DHRSX: variants seen among roughly 807,000 people sequenced by gnomAD.
DHRSX encodes the protein polyprenol dehydrogenase.
DHRSX carries 31 observed loss-of-function variants against 34.0 expected under a neutral mutation model. The ratio of observed to expected loss-of-function variants is 0.91; its 90% CI spans 0.69 to 1.23. The LOEUF (loss-of-function observed/expected upper bound fraction) is 1.23, where lower values mean the gene tolerates loss of function less well. DHRSX is among the 50% of genes most tolerant of loss of function. The pLI, the probability that DHRSX is intolerant of heterozygous loss-of-function variation, is 0.00. For missense variants in DHRSX, 414 were observed against 428.1 expected (o/e 0.97, Z 0.29); for synonymous variants, 201 against 183.8 (o/e 1.09, Z -0.76).
chrX:2,445,266 A>G (rs1024700584), intron 1 of DHRSX, among the ~76,000 whole-genome samples: 1 of 152,310 alleles, frequency 6.6e-6, no homozygotes. Flanking sequence ...TGCATGTCAG[A>G]AAAAGGAAAG....
rs752605234 is a variant in DHRSX at position 2,460,057 on chromosome X, G to A, written c.110-34753C>T. Among the ~76,000 whole-genome samples, 4 of 152,184 alleles carry A rather than the reference G, an allele frequency of 2.6e-5. No individual in the cohort carries two copies. In the South Asian group the frequency reaches 6.2e-4, roughly 24 times the overall value. ...CAGGAGGTGGAGGTTGCAGTGAGCC[G>A]AGATCATGCCATTGCACTCCAGCCT... On this transcript the variant is annotated intron_variant, in intron 1 of 6. Coordinates refer to ENST00000334651, the MANE Select transcript of DHRSX (RefSeq NM_145177.3).
intron 1 of DHRSX, among the ~76,000 whole-genome samples, chrX:2,457,771 T>A (rs1330897245): frequency 6.9e-6 from 1 of 145,008 alleles, no homozygotes; most frequent in East Asian, 2.1e-4. Flanking sequence ...AGACGTTCCC[T>A]AAGCATGTGG....
intron 1 of DHRSX, among the ~76,000 whole-genome samples, chrX:2,464,055 T>C (rs1329542467): frequency 6.6e-6 from 1 of 151,776 alleles, no homozygotes; most frequent in African/African-American, 2.4e-5. Context: ...GTTCCCTAAG[T>C]ATGTGGCTAA....
intron 3 of DHRSX, among the ~76,000 whole-genome samples, chrX:2,296,787 AGGAATAG>A (rs748172910): frequency 4.7e-4 from 22 of 46,318 alleles, no homozygotes; most frequent in South Asian, 2.2e-3. Flanking sequence ...CCAGGCAGAT[AGGAATAG>A]GACCCAGGCA....
intron 1 of DHRSX, chrX:2,489,415 G>A (rs770802784): frequency 1.6e-5 from 26 of 1,613,960 alleles, no homozygotes; most frequent in East Asian, 2.2e-5. Context: ...TCTCCTTGAT[G>A]TTGAGCGTGG....
chrX:2,223,158 A>G (rs906491662), intron 6 of DHRSX, among the ~76,000 whole-genome samples: 4 of 151,994 alleles, frequency 2.6e-5, no homozygotes, highest in African/African-American at 9.7e-5. Context: ...TGTAGCTCCC[A>G]TAATTCCCAT....
chrX:2,293,062 C>A (rs180719131), intron 3 of DHRSX, among the ~76,000 whole-genome samples: 2 of 152,108 alleles, frequency 1.3e-5, no homozygotes, highest in Admixed American at 1.3e-4. Context: ...GGATTACAGG[C>A]GTGAGCAGCT....
At chrX:2,339,529 C>T (rs2042614489) in intron 3 of DHRSX, among the ~76,000 whole-genome samples, 1 of 152,112 alleles carries the variant, frequency 6.6e-6, no homozygotes, top group South Asian at 2.1e-4. Flanking sequence ...GTCTTTTATC[C>T]CTCGCTGCCC....
intron 1 of DHRSX, among the ~76,000 whole-genome samples, chrX:2,465,220 T>C (rs2044474418): frequency 6.6e-6 from 1 of 152,148 alleles, no homozygotes; most frequent in Admixed American, 6.6e-5. Context: ...ACCACACACT[T>C]CCTACAGCTG....
At chrX:2,385,135 T>TGTGTGTGTGC (rs2043256726) in intron 3 of DHRSX, among the ~76,000 whole-genome samples, 1 of 138,668 alleles carries the variant, frequency 7.2e-6, no homozygotes, top group Admixed American at 7.9e-5. Flanking sequence ...TGTGTGTGTG[T>TGTGTGTGTGC]GTATGTGTAT....
At chrX:2,311,276 G>C (rs1457545239) in intron 3 of DHRSX, among the ~76,000 whole-genome samples, 1 of 152,078 alleles carries the variant, frequency 6.6e-6, no homozygotes, top group Non-Finnish European at 1.5e-5. Flanking sequence ...GATGGGGAGA[G>C]AGCTGCCTGG....
At chrX:2,364,434 G>T (rs1219189529) in intron 3 of DHRSX, among the ~76,000 whole-genome samples, 1 of 152,118 alleles carries the variant, frequency 6.6e-6, no homozygotes, top group Non-Finnish European at 1.5e-5. Context: ...GACAAAGCCT[G>T]CCTTAGCATG....
chrX:2,263,984 T>G (rs2041401709), intron 5 of DHRSX, among the ~76,000 whole-genome samples: 1 of 152,212 alleles, frequency 6.6e-6, no homozygotes, highest in African/African-American at 2.4e-5. Flanking sequence ...GCAGATGCAG[T>G]GCCTGACATT....
chrX:2,231,676 CTCT>C (rs1317713112), intron 6 of DHRSX, among the ~76,000 whole-genome samples: 4 of 145,346 alleles, frequency 2.8e-5, no homozygotes, highest in Non-Finnish European at 4.5e-5. Flanking sequence ...TTTCTTTCTC[CTCT>C]TTTCTCTTCT....
intron 3 of DHRSX, among the ~76,000 whole-genome samples, chrX:2,386,508 T>C (rs1217616822): frequency 6.6e-6 from 1 of 152,168 alleles, no homozygotes. Flanking sequence ...CGTGAGCCAC[T>C]GCACCCAACC....
At chrX:2,477,985 A>T (rs773678375) in intron 1 of DHRSX, among the ~76,000 whole-genome samples, 72 of 152,368 alleles carry the variant, frequency 4.7e-4, no homozygotes, top group Non-Finnish European at 4.1e-4. Context: ...ACACGGATAT[A>T]AAGAAACACA....
At chrX:2,392,662 AAAT>A (rs1478752664) in intron 3 of DHRSX, among the ~76,000 whole-genome samples, 2 of 146,074 alleles carry the variant, frequency 1.4e-5, no homozygotes, top group Non-Finnish European at 3.0e-5. Flanking sequence ...GATATATATA[AAAT>A]AATATATACA....
At chrX:2,319,567 G>A (rs1489205684) in intron 3 of DHRSX, among the ~76,000 whole-genome samples, 11 of 144,964 alleles carry the variant, frequency 7.6e-5, no homozygotes, top group Non-Finnish European at 9.1e-5. Flanking sequence ...AAAAGAGAAC[G>A]AAGACCTTTA....
At chrX:2,338,281 CGA>C (rs1242136981) in intron 3 of DHRSX, among the ~76,000 whole-genome samples, 1 of 151,500 alleles carries the variant, frequency 6.6e-6, no homozygotes, top group Non-Finnish European at 1.5e-5. Context: ...TGCGGCGAGC[CGA>C]GACAGTGCCA....
Sources: allele counts gnomAD v4.1 joint callset (sites outside exome capture counted in the v4.1 genomes callset), GRCh38; gene constraint gnomAD v4.1.1; transcripts MANE v1.5; gene names NCBI Gene and HGNC (gene_info 2026-07-23, HGNC 2026-07-21).